The following KIAA1217 variants were observed in gnomAD, a reference collection of about 807,000 sequenced individuals.
The protein encoded by KIAA1217 is KIAA1217, also known as sickle tail protein homolog.
A neutral mutation model predicts 163.9 loss-of-function variants in KIAA1217; 88 were observed. The ratio of observed to expected loss-of-function variants is 0.54; its 90% CI spans 0.45 to 0.64. The LOEUF (loss-of-function observed/expected upper bound fraction) is 0.64. Among genes scored for constraint, KIAA1217 ranks in the 30% least tolerant of loss-of-function variants. The pLI, the probability that KIAA1217 is intolerant of heterozygous loss-of-function variation, is 0.00. For synonymous variants in KIAA1217, 903 were observed against 923.1 expected (o/e 0.98, Z 0.39); for missense variants, 2,372 against 2,475.0 (o/e 0.96, Z 0.88).
chr10:23,867,722 G>T, intron 1 of KIAA1217, among the ~76,000 whole-genome samples: 1 of 151,838 alleles, frequency 6.6e-6, no homozygotes, highest in Non-Finnish European at 1.5e-5. Context: ...TTGTAAATTT[G>T]TTTGAGTTCA....
intron 12 of KIAA1217, among the ~76,000 whole-genome samples, chr10:24,522,576 A>T (rs771018368): frequency 2.6e-5 from 4 of 152,254 alleles, no homozygotes; most frequent in African/African-American, 4.8e-5. Flanking sequence ...CCAAAGGTAA[A>T]CCTGCTCACC....
At position 24,008,796 on chromosome 10, in the gene KIAA1217, G is replaced by A. The variant is rs549788571; in HGVS notation, c.-171+1422G>A. On this transcript the variant is annotated intron_variant, in intron 2 of 18. Transcript: ENST00000376462. ...AGGGATCAGACATTCCTACGCTACC[G>A]CCCCATTAGATGCTGCCGTAACACG... Among the ~76,000 whole-genome samples, 189 of 152,202 alleles carry A rather than the reference G, an allele frequency of 1.2e-3. 1 individual carries two copies. Among genetic ancestry groups the A allele is most frequent in the South Asian group, 4.3e-3 (21 of 4,828 alleles).
intron 1 of KIAA1217, among the ~76,000 whole-genome samples, chr10:23,935,502 T>C (rs11013797): frequency 0.43 from 64,793 of 152,076 alleles, 16,973 homozygotes; most frequent in African/African-American, 0.74. Context: ...ACCAAAAATT[T>C]TATAAACTAG....
At chr10:24,347,024 T>C (rs897958564) in intron 2 of KIAA1217, among the ~76,000 whole-genome samples, 4 of 152,168 alleles carry the variant, frequency 2.6e-5, no homozygotes, top group African/African-American at 9.7e-5. Flanking sequence ...AGTGTTAAGG[T>C]ATATAAGAGT....
intron 2 of KIAA1217, among the ~76,000 whole-genome samples, chr10:24,242,953 T>C (rs1163957430): frequency 6.6e-6 from 1 of 152,206 alleles, no homozygotes; most frequent in Non-Finnish European, 1.5e-5. Context: ...CTTGTTGATT[T>C]AAGTTCTTTA....
In KIAA1217 at chr10:23,934,770, A is replaced by G. The variant is rs184889553; in HGVS notation, c.-320-72455A>G. ...GTAGCTGGGACTACAGGCACCCGCC[A>G]CCACACCCGGCTAATTTTTTGTATT... is the stretch of plus-strand genomic sequence containing the variant. On this transcript the variant is annotated intron_variant, in intron 1 of 18. Transcript: ENST00000376462. Among the ~76,000 whole-genome samples the G allele has an allele frequency of 9.8e-3, 1,470 of 150,024 alleles. 28 individuals are homozygous for G. The highest frequency in any genetic ancestry group is 0.034 in the African/African-American group (1,391 of 40,704).
chr10:24,151,556 T>G (rs143158064), intron 2 of KIAA1217, among the ~76,000 whole-genome samples: 2,000 of 150,250 alleles, frequency 0.013, 21 homozygotes, highest in Middle Eastern at 0.058. Flanking sequence ...GTACTCTAGG[T>G]GTGTGTGTGC....
At chr10:23,737,120 C>G (rs1329280219) in intron 1 of KIAA1217, among the ~76,000 whole-genome samples, 2 of 152,122 alleles carry the variant, frequency 1.3e-5, no homozygotes, top group Non-Finnish European at 2.9e-5. Flanking sequence ...TTAGGTATGT[C>G]TTGCACATCA....
rs1285146795 is a variant in KIAA1217, at chr10:24,350,147, AC to A, written c.355-30721del. ...AAGAGAAGAAAATATTTTTGAGGGA[AC>A]TCATTACCTTTTGGCTTGAGGCATA... is the stretch of plus-strand genomic sequence containing the variant. On this transcript the variant is annotated intron_variant, in intron 2 of 20. Transcript: ENST00000376454. Among the ~76,000 whole-genome samples the A allele has an allele frequency of 3.9e-5, 6 of 152,312 alleles. No individual in the cohort carries two copies. The South Asian group carries it at 6.2e-4, about 16-fold the overall frequency.
At chr10:24,451,426 T>C (rs948135924) in intron 5 of KIAA1217, among the ~76,000 whole-genome samples, 2 of 152,352 alleles carry the variant, frequency 1.3e-5, no homozygotes, top group South Asian at 2.1e-4. Flanking sequence ...CCTTCAACAG[T>C]GCTCTTCCCA....
At chr10:24,418,870 T>C (rs2058491663) in intron 3 of KIAA1217, among the ~76,000 whole-genome samples, 1 of 152,130 alleles carries the variant, frequency 6.6e-6, no homozygotes, top group Non-Finnish European at 1.5e-5. Context: ...TTTTACATTT[T>C]TGTTCTTATC....
At chr10:23,749,934 A>G (rs907350300) in intron 1 of KIAA1217, among the ~76,000 whole-genome samples, 1 of 152,178 alleles carries the variant, frequency 6.6e-6, no homozygotes, top group Non-Finnish European at 1.5e-5. Context: ...AACCATCTCC[A>G]CAAATTTTCT....
chr10:24,255,053 C>T (rs1188924966), intron 2 of KIAA1217, among the ~76,000 whole-genome samples: 1 of 152,090 alleles, frequency 6.6e-6, no homozygotes, highest in Non-Finnish European at 1.5e-5. Context: ...CAGGGTTTCA[C>T]CATGTTGGCC....
intron 1 of KIAA1217, among the ~76,000 whole-genome samples, chr10:23,918,355 G>A (rs771165394): frequency 2.6e-5 from 4 of 152,004 alleles, no homozygotes; most frequent in African/African-American, 9.7e-5. Context: ...TGAGAAATTG[G>A]CTCATCTCCA....
chr10:23,770,071 C>T (rs1191038045), intron 1 of KIAA1217, among the ~76,000 whole-genome samples: 1 of 152,176 alleles, frequency 6.6e-6, no homozygotes, highest in Non-Finnish European at 1.5e-5. Context: ...TCTCCATGTA[C>T]AATGGGACAA....
At chr10:23,729,810 T>C (rs748861211) in intron 1 of KIAA1217, among the ~76,000 whole-genome samples, 3 of 152,216 alleles carry the variant, frequency 2.0e-5, no homozygotes, top group Non-Finnish European at 4.4e-5. Flanking sequence ...GTTTATTCTT[T>C]CTTTCATGGA....
chr10:23,739,914 C>T (rs1839014038), intron 1 of KIAA1217, among the ~76,000 whole-genome samples: 10 of 152,092 alleles, frequency 6.6e-5, no homozygotes, highest in Admixed American at 6.6e-4. Context: ...CATTAGATGC[C>T]AGGTGAAAGA....
chr10:24,402,370 G>A lies in KIAA1217; in HGVS notation c.553+21303G>A, dbSNP rs564956655. On this transcript the variant is annotated intron_variant, in intron 3 of 20. Coordinates refer to ENST00000376454, the MANE Select transcript of KIAA1217 (RefSeq NM_019590.5). ...AAAATACACAAAAAATTAGCCGGGC[G>A]TATTGGTGGGCGCCTGTAGTCCCAA... Among the ~76,000 whole-genome samples, 29 of 151,990 alleles carry A rather than the reference G, an allele frequency of 1.9e-4. 1 individual carries two copies. The highest frequency in any genetic ancestry group is 1.3e-3 in the Admixed American group (20 of 15,256).
At chr10:24,093,741 C>T (rs1191589820) in intron 2 of KIAA1217, among the ~76,000 whole-genome samples, 1 of 150,400 alleles carries the variant, frequency 6.6e-6, no homozygotes, top group Non-Finnish European at 1.5e-5. Flanking sequence ...TGCTGGTGTG[C>T]TGCACCCATT....
Sources: gnomAD v4.1 joint callset for allele counts (sites outside exome capture counted in the v4.1 genomes callset) on GRCh38, gnomAD v4.1.1 for gene constraint, MANE v1.5 for transcripts, NCBI Gene and HGNC (gene_info 2026-07-23, HGNC 2026-07-21) for gene names.